Variants in LRRC4B observed in about 807,000 individuals in gnomAD.
LRRC4B encodes the protein leucine-rich repeat-containing protein 4B.
In LRRC4B, 1 loss-of-function variant was observed where a neutral mutation model predicts 7.3. That is an observed-to-expected ratio of 0.14 (90% CI 0.05 to 0.65). The LOEUF (loss-of-function observed/expected upper bound fraction) is 0.65, where lower values mean the gene tolerates loss of function less well. Ranked by LOEUF, LRRC4B falls within the 30% of genes least tolerant of loss-of-function variation. The pLI is 0.84. For missense variants in LRRC4B, 730 were observed against 1,041.6 expected, an observed-to-expected ratio of 0.70 and a Z score of 4.12; for synonymous variants, 500 against 499.2, an observed-to-expected ratio of 1.00 and a Z score of -0.02.
intron 2 of LRRC4B, among the ~76,000 whole-genome samples, chr19:50,539,724 C>T (rs111800275): frequency 0.083 from 12,506 of 151,348 alleles, 600 homozygotes; most frequent in Middle Eastern, 0.13. Context: ...CCGTCTCTAC[C>T]AAAAATACAA....
At chr19:50,552,726 A>G (rs1982142867) in intron 1 of LRRC4B, among the ~76,000 whole-genome samples, 1 of 150,710 alleles carries the variant, frequency 6.6e-6, no homozygotes, top group African/African-American at 2.5e-5. Context: ...CCGTCTATCC[A>G]TCCGTCCTTC....
chr19:50,543,181 TG>T (rs1981629458), intron 2 of LRRC4B, among the ~76,000 whole-genome samples: 1 of 152,136 alleles, frequency 6.6e-6, no homozygotes, highest in South Asian at 2.1e-4. Context: ...CCCTAGGTGC[TG>T]GGGATCCGGC....
At chr19:50,541,233 G>T (rs1981532558) in intron 2 of LRRC4B, among the ~76,000 whole-genome samples, 1 of 143,448 alleles carries the variant, frequency 7.0e-6, no homozygotes, top group Non-Finnish European at 1.5e-5. Flanking sequence ...CTCACAGTGG[G>T]GTGTGCCTGT....
At chr19:50,524,895 G>GTGGACACA (rs1329397744) in intron 2 of LRRC4B, among the ~76,000 whole-genome samples, 2 of 152,184 alleles carry the variant, frequency 1.3e-5, no homozygotes, top group Non-Finnish European at 2.9e-5. Flanking sequence ...GGGACGCTCT[G>GTGGACACA]TGGACACAGT....
Position 50,519,414 on chromosome 19 carries a change from A to C in LRRC4B, c.299T>G (p.Val100Gly). 1 of 1,584,940 alleles carries C rather than the reference A, an allele frequency of 6.3e-7. No homozygotes were observed. The highest frequency in any genetic ancestry group is 8.6e-7 in the Non-Finnish European group (1 of 1,168,918). The change falls in exon 3 of 3, where the codon GTG becomes GGG. Residue 100 changes from valine to glycine, a missense_variant and splice_region_variant. Coordinates refer to ENST00000652263, the MANE Select transcript of LRRC4B (RefSeq NM_001080457.2). The surrounding 1 kb of genome is among the most constrained non-coding windows in gnomAD (Gnocchi z 8.1). ...GTGCTTGAACGTGTCCGTCCGGATC[A>C]CCTGGGGAGAGGGAGACACGGATCA... ...YLNLQENGIQ[V>G]IRTDTFKHLR...
intron 2 of LRRC4B, among the ~76,000 whole-genome samples, chr19:50,527,095 C>T (rs1370188952): frequency 2.7e-5 from 4 of 149,876 alleles, no homozygotes; most frequent in African/African-American, 9.8e-5. Flanking sequence ...TGCAGTGGCA[C>T]AATCCCGGCT....
intron 1 of LRRC4B, among the ~76,000 whole-genome samples, chr19:50,562,360 G>A (rs1031705222): frequency 6.6e-6 from 1 of 152,126 alleles, no homozygotes; most frequent in Non-Finnish European, 1.5e-5. Flanking sequence ...GATGATGACT[G>A]TGCCTCCTTG....
Position 50,527,594 on chromosome 19 carries a change from A to G in LRRC4B, c.298-8179T>C, listed in dbSNP as rs371803355. Among the ~76,000 whole-genome samples, 8 of 152,012 alleles carry G rather than the reference A, an allele frequency of 5.3e-5. No individual in the cohort carries two copies. The East Asian group carries it at 5.8e-4, about 11-fold the overall frequency. ...ACATCATGAATAGTGCTTCAAAGAC[A>G]TGATATGAACGGCCCTCTAGAGTAC... On this transcript the variant is annotated intron_variant, in intron 2 of 2. Coordinates refer to ENST00000652263, the MANE Select transcript of LRRC4B (RefSeq NM_001080457.2).
intron 2 of LRRC4B, among the ~76,000 whole-genome samples, chr19:50,530,774 TC>T (rs1190062842): frequency 6.6e-6 from 1 of 152,006 alleles, no homozygotes; most frequent in Non-Finnish European, 1.5e-5. Flanking sequence ...TTCGCTGTTT[TC>T]ACCCAGGCTG....
chr19:50,531,424 C>T (rs139617846), intron 2 of LRRC4B, among the ~76,000 whole-genome samples: 85 of 152,220 alleles, frequency 5.6e-4, no homozygotes, highest in Admixed American at 9.2e-4. Flanking sequence ...GCGCTCAGCA[C>T]GCAGTGACCC....
intron 2 of LRRC4B, among the ~76,000 whole-genome samples, chr19:50,541,259 G>A (rs1981533856): frequency 6.6e-6 from 1 of 151,506 alleles, no homozygotes; most frequent in African/African-American, 2.4e-5. Flanking sequence ...CAGCTACTCG[G>A]GAGGCTGAGG....
At chr19:50,541,465 C>T (rs903564249) in intron 2 of LRRC4B, among the ~76,000 whole-genome samples, 1 of 151,954 alleles carries the variant, frequency 6.6e-6, no homozygotes, top group Non-Finnish European at 1.5e-5. Flanking sequence ...AATTATCTTC[C>T]ATGAAACCAG....
intron 2 of LRRC4B, among the ~76,000 whole-genome samples, chr19:50,545,689 A>C (rs943659771): frequency 6.7e-6 from 1 of 150,328 alleles, no homozygotes; most frequent in African/African-American, 2.4e-5. Context: ...TGATTTTTTC[A>C]ATTTTTTATT....
intron 2 of LRRC4B, among the ~76,000 whole-genome samples, chr19:50,543,181 T>G (rs1981629241): frequency 6.6e-6 from 1 of 152,136 alleles, no homozygotes; most frequent in African/African-American, 2.4e-5. Flanking sequence ...CCCTAGGTGC[T>G]GGGGATCCGG....
chr19:50,552,683 T>TCCATCCATCCATGCATTCATCCATCCAC (rs377729910), intron 1 of LRRC4B, among the ~76,000 whole-genome samples: 4 of 121,354 alleles, frequency 3.3e-5, no homozygotes, highest in Non-Finnish European at 6.9e-5. Context: ...CATCCATCCA[T>TCCATCCATCCATGCATTCATCCATCCAC]CCATCCGTCC....
intron 2 of LRRC4B, among the ~76,000 whole-genome samples, chr19:50,535,853 G>A (rs915046829): frequency 3.3e-5 from 5 of 152,196 alleles, no homozygotes; most frequent in Non-Finnish European, 7.4e-5. Context: ...ATGGCTACCC[G>A]CCTCCCACCC....
At chr19:50,549,517 T>C (rs1981963589) in intron 1 of LRRC4B, among the ~76,000 whole-genome samples, 1 of 152,094 alleles carries the variant, frequency 6.6e-6, no homozygotes, top group African/African-American at 2.4e-5. Flanking sequence ...CTCCTGTCAC[T>C]GCCCACCCTG....
At chr19:50,535,114 C>G (rs552305508) in intron 2 of LRRC4B, among the ~76,000 whole-genome samples, 22 of 152,018 alleles carry the variant, frequency 1.4e-4, no homozygotes, top group Non-Finnish European at 3.1e-4. Flanking sequence ...ATGATCTGCC[C>G]GCCTTGGCCT....
chr19:50,548,321 G>T lies in LRRC4B; in HGVS notation c.297+221C>A, dbSNP rs1055166026. ...GCCTGCACTTGGGCCCCGACACGGTGGCTCAGAGACAGGGAGCACTGTGCT... is the reference window on the plus strand; with the variant it reads ...GCCTGCACTTGGGCCCCGACACGGTTGCTCAGAGACAGGGAGCACTGTGCT... On this transcript the variant is annotated intron_variant, in intron 2 of 2. Coordinates refer to ENST00000652263, the MANE Select transcript of LRRC4B (RefSeq NM_001080457.2). The surrounding 1 kb of genome is among the most constrained non-coding windows in gnomAD (Gnocchi z 6.8). Among the ~76,000 whole-genome samples the T allele has an allele frequency of 7.2e-5, 11 of 152,372 alleles. No homozygotes were observed. The highest frequency in any genetic ancestry group is 2.6e-4 in the African/African-American group (11 of 41,592).
Sources: allele counts gnomAD v4.1 joint callset (sites outside exome capture counted in the v4.1 genomes callset), GRCh38; gene constraint gnomAD v4.1.1; non-coding constraint Gnocchi (gnomAD v3.1); transcripts MANE v1.5; gene names NCBI Gene and HGNC (gene_info 2026-07-23, HGNC 2026-07-21).